Variants in RNGTT observed in about 807,000 individuals in gnomAD.
The protein encoded by RNGTT is RNA guanylyltransferase and 5'-phosphatase, also known as mRNA-capping enzyme.
A neutral mutation model predicts 79.3 loss-of-function variants in RNGTT; 33 were observed. That is an observed-to-expected ratio of 0.42 (90% CI 0.32 to 0.56). RNGTT has a LOEUF of 0.56. Ranked by LOEUF, RNGTT falls within the 20% of genes least tolerant of loss-of-function variation. The pLI, the probability that RNGTT is intolerant of heterozygous loss-of-function variation, is 0.17. For synonymous variants in RNGTT, 222 were observed against 235.9 expected (o/e 0.94, Z 0.54); for missense variants, 497 against 739.1 (o/e 0.67, Z 3.80).
chr6:88,631,965 T>C (rs1307050008), intron 14 of RNGTT, among the ~76,000 whole-genome samples: 1 of 152,030 alleles, frequency 6.6e-6, no homozygotes, highest in African/African-American at 2.4e-5. Context: ...GGCCAACTCT[T>C]TATTTATTAT....
chr6:88,963,288 G>C lies in RNGTT; in HGVS notation c.64+58C>G, dbSNP rs1037626958. On this transcript the variant is annotated intron_variant, in intron 1 of 15. Transcript: ENST00000369485. ...CCACCAAAAGCTGAGCTCCTCAGTC[G>C]GCCCACCCCCGGGCACGTTGGAGTG... is the stretch of plus-strand genomic sequence containing the variant. 28 of 1,572,686 alleles carry C rather than the reference G, an allele frequency of 1.8e-5. No homozygotes were observed. In the African/African-American group the frequency reaches 3.7e-4, roughly 21 times the overall value.
chr6:88,771,363 A>ACG (rs1271268257), intron 12 of RNGTT, among the ~76,000 whole-genome samples: 61 of 142,258 alleles, frequency 4.3e-4, no homozygotes, highest in African/African-American at 1.5e-3. Flanking sequence ...ACACACACAC[A>ACG]CACACACAAT....
chr6:88,856,964 A>G (rs1037965141), intron 8 of RNGTT, among the ~76,000 whole-genome samples: 25 of 152,140 alleles, frequency 1.6e-4, no homozygotes, highest in Non-Finnish European at 2.9e-4. Context: ...TATTTGTATT[A>G]TATTCATTCA....
At chr6:88,633,551 A>G (rs933470470) in intron 14 of RNGTT, among the ~76,000 whole-genome samples, 1 of 152,176 alleles carries the variant, frequency 6.6e-6, no homozygotes, top group African/African-American at 2.4e-5. Flanking sequence ...AATGCGCTTT[A>G]TCTCCAACCT....
chr6:88,857,030 A>G (rs896470922), intron 8 of RNGTT, among the ~76,000 whole-genome samples: 2 of 152,114 alleles, frequency 1.3e-5, no homozygotes, highest in Non-Finnish European at 2.9e-5. Context: ...AGAAAATGCT[A>G]AAGTATATAA....
At chr6:88,943,018 T>C (rs1784899593) in intron 1 of RNGTT, among the ~76,000 whole-genome samples, 2 of 152,226 alleles carry the variant, frequency 1.3e-5, no homozygotes, top group Admixed American at 1.3e-4. Flanking sequence ...GACTCCTCTA[T>C]GTTTTGTCTC....
chr6:88,769,845 A>T lies in RNGTT; in HGVS notation c.1368T>A (p.Ile456=). 6.2e-7 allele frequency: 1 copy of T among 1,611,630 alleles called. No individual in the cohort carries two copies. Among genetic ancestry groups the T allele is most frequent in the South Asian group, 1.1e-5 (1 of 90,780 alleles). Residue 456 remains isoleucine (I), a synonymous_variant, in exon 13 of 16, where the codon ATT becomes ATA. Transcript: ENST00000369485. ...GKYKPGRCDD[I]LKWKPPSLNS... The stretch of plus-strand genomic sequence containing the variant: ...TCAGACTGGGAGGCTTCCATTTCAA[A>T]ATATCATCACATCGACCAGGTTTGT...
intron 12 of RNGTT, among the ~76,000 whole-genome samples, chr6:88,781,662 C>A (rs1779067916): frequency 6.6e-6 from 1 of 152,104 alleles, no homozygotes; most frequent in African/African-American, 2.4e-5. Context: ...TAACTTTCTC[C>A]CAAATAAAAG....
intron 11 of RNGTT, among the ~76,000 whole-genome samples, chr6:88,819,880 G>A (rs974679652): frequency 3.9e-5 from 6 of 151,930 alleles, no homozygotes; most frequent in African/African-American, 1.2e-4. Context: ...CTACAGCTGC[G>A]GATCTTTATT....
intron 1 of RNGTT, 110 bp downstream of exon 1, chr6:88,963,236 C>T: frequency 1.8e-6 from 2 of 1,111,762 alleles, no homozygotes; most frequent in South Asian, 1.3e-5. Flanking sequence ...ATATCCCGCT[C>T]CTGAAATACC....
At chr6:88,676,849 C>T (rs949134372) in intron 14 of RNGTT, among the ~76,000 whole-genome samples, 3 of 152,132 alleles carry the variant, frequency 2.0e-5, no homozygotes, top group African/African-American at 7.2e-5. Context: ...TCAGTCATTA[C>T]GGAAATGTAA....
At chr6:88,774,774 G>A (rs968108983) in intron 12 of RNGTT, among the ~76,000 whole-genome samples, 1 of 151,998 alleles carries the variant, frequency 6.6e-6, no homozygotes, top group Non-Finnish European at 1.5e-5. Context: ...AAAAAATCAT[G>A]GTGACCGAAA....
At chr6:88,832,625 A>G (rs1427822699) in intron 11 of RNGTT, among the ~76,000 whole-genome samples, 1 of 152,248 alleles carries the variant, frequency 6.6e-6, no homozygotes, top group African/African-American at 2.4e-5. Context: ...AGCAAAAGAA[A>G]TTATCATCAG....
chr6:88,792,228 C>T (rs1427345767), intron 12 of RNGTT, among the ~76,000 whole-genome samples: 1 of 152,184 alleles, frequency 6.6e-6, no homozygotes, highest in Non-Finnish European at 1.5e-5. Flanking sequence ...TCATCTGATG[C>T]CCTGTCCCTG....
chr6:88,808,992 A>G (rs1442195791), intron 11 of RNGTT, among the ~76,000 whole-genome samples: 3 of 152,056 alleles, frequency 2.0e-5, no homozygotes, highest in Non-Finnish European at 4.4e-5. Context: ...AATAGTGTCT[A>G]CAACAGCCCA....
At chr6:88,725,927 GA>G (rs1209965722) in intron 13 of RNGTT, among the ~76,000 whole-genome samples, 1 of 151,834 alleles carries the variant, frequency 6.6e-6, no homozygotes, top group Non-Finnish European at 1.5e-5. Flanking sequence ...GAAACAGAGA[GA>G]AAGAGACAGA....
At chr6:88,927,153 A>G (rs1262099239) in intron 4 of RNGTT, among the ~76,000 whole-genome samples, 1 of 152,220 alleles carries the variant, frequency 6.6e-6, no homozygotes, top group Non-Finnish European at 1.5e-5. Flanking sequence ...AGATATATGA[A>G]TTTACATCAT....
intron 14 of RNGTT, among the ~76,000 whole-genome samples, chr6:88,670,067 C>A (rs1236842621): frequency 6.6e-6 from 1 of 152,186 alleles, no homozygotes; most frequent in African/African-American, 2.4e-5. Context: ...AATAGATTGG[C>A]CCTAGACTAC....
At chr6:88,858,852 G>A (rs1781919756) in intron 8 of RNGTT, among the ~76,000 whole-genome samples, 1 of 152,076 alleles carries the variant, frequency 6.6e-6, no homozygotes. Context: ...CAGACTAGTA[G>A]GTGCAATGTC....
Sources: allele counts gnomAD v4.1 joint callset (sites outside exome capture counted in the v4.1 genomes callset), GRCh38; gene constraint gnomAD v4.1.1; transcripts MANE v1.5; gene names NCBI Gene and HGNC (gene_info 2026-07-23, HGNC 2026-07-21).